ASIC2: variants seen among roughly 807,000 people sequenced by gnomAD.
The protein encoded by ASIC2 is acid-sensing ion channel 2.
A neutral mutation model predicts 57.3 loss-of-function variants in ASIC2; 25 were observed. The observed-to-expected ratio is 0.44, with a 90% confidence interval of 0.32 to 0.61. ASIC2 has a LOEUF of 0.61. Among genes scored for constraint, ASIC2 ranks in the 20% least tolerant of loss-of-function variants. ASIC2 has a pLI of 0.06. For missense variants in ASIC2, 641 were observed against 738.1 expected (o/e 0.87, Z 1.52); for synonymous variants, 319 against 307.5 (o/e 1.04, Z -0.39).
chr17:33,361,281 A>G (rs1300349994), intron 1 of ASIC2, among the ~76,000 whole-genome samples: 3 of 152,192 alleles, frequency 2.0e-5, no homozygotes, highest in African/African-American at 7.2e-5. Context: ...TTCATGTGGG[A>G]TGGTGGAGAG....
intron 1 of ASIC2, among the ~76,000 whole-genome samples, chr17:33,773,339 C>T (rs1404831342): frequency 6.6e-6 from 1 of 152,056 alleles, no homozygotes; most frequent in Non-Finnish European, 1.5e-5. Flanking sequence ...AATAACTTTT[C>T]ACACCCCAGA....
intron 1 of ASIC2, among the ~76,000 whole-genome samples, chr17:34,011,988 A>G (rs1444129741): frequency 2.0e-5 from 3 of 151,940 alleles, no homozygotes; most frequent in Admixed American, 6.6e-5. Flanking sequence ...TCCTGCAGGC[A>G]CCTCCAGGAG....
intron 1 of ASIC2, among the ~76,000 whole-genome samples, chr17:33,438,218 G>T (rs148110162): frequency 6.6e-6 from 1 of 152,124 alleles, no homozygotes; most frequent in African/African-American, 2.4e-5. Context: ...TTTAAAGAAG[G>T]GTTCAGCTTC....
intron 1 of ASIC2, among the ~76,000 whole-genome samples, chr17:33,648,505 C>T (rs1567678876): frequency 6.6e-6 from 1 of 152,374 alleles, no homozygotes; most frequent in African/African-American, 2.4e-5. Context: ...GACAAGATGA[C>T]TGCCTGGGGC....
chr17:33,659,906 AT>A (rs1338878869), intron 1 of ASIC2, among the ~76,000 whole-genome samples: 27 of 149,264 alleles, frequency 1.8e-4, no homozygotes, highest in Non-Finnish European at 4.0e-4. Flanking sequence ...AAATAAATAA[AT>A]AAATAAATAA....
intron 1 of ASIC2, among the ~76,000 whole-genome samples, chr17:33,321,168 G>C (rs1906853869): frequency 6.6e-6 from 1 of 152,148 alleles, no homozygotes; most frequent in Admixed American, 6.6e-5. Flanking sequence ...CTGTATCTCA[G>C]CACCTAGCAC....
intron 3 of ASIC2, among the ~76,000 whole-genome samples, chr17:33,054,110 T>A (rs1238700042): frequency 6.6e-6 from 1 of 152,138 alleles, no homozygotes; most frequent in Non-Finnish European, 1.5e-5. Context: ...GTTTGTGCCC[T>A]TCTGCCAAGA....
At chr17:33,738,632 C>T (rs1004984241) in intron 1 of ASIC2, among the ~76,000 whole-genome samples, 1 of 152,188 alleles carries the variant, frequency 6.6e-6, no homozygotes, top group Admixed American at 6.5e-5. Context: ...CCCCACCCTA[C>T]TTCTACTATC....
chr17:34,139,770 A>G (rs982770527), intron 1 of ASIC2, among the ~76,000 whole-genome samples: 2 of 152,074 alleles, frequency 1.3e-5, no homozygotes, highest in African/African-American at 4.8e-5. Context: ...ATTGATGGAA[A>G]TTGGGGAAGC....
intron 1 of ASIC2, among the ~76,000 whole-genome samples, chr17:34,084,033 C>T (rs1244419724): frequency 2.0e-5 from 3 of 151,880 alleles, no homozygotes; most frequent in Admixed American, 1.3e-4. Context: ...TTAATTAGAT[C>T]CCATTTGTCA....
intron 1 of ASIC2, among the ~76,000 whole-genome samples, chr17:33,508,657 A>G (rs942211139): frequency 6.6e-5 from 10 of 152,228 alleles, no homozygotes; most frequent in Non-Finnish European, 1.3e-4. Flanking sequence ...CAGCACACCT[A>G]AAAGTGGAAT....
At chr17:33,137,080 T>C (rs2092369805) in intron 1 of ASIC2, among the ~76,000 whole-genome samples, 1 of 152,192 alleles carries the variant, frequency 6.6e-6, no homozygotes, top group Admixed American at 6.5e-5. Flanking sequence ...TAACAGTTAT[T>C]GTTCCTACAC....
rs902670598 is a variant in ASIC2, at chr17:34,056,939, T to C, written c.555+99039A>G. 2.0e-5 allele frequency among the ~76,000 whole-genome samples: 3 copies of C among 152,192 alleles called. No homozygotes were observed. In the East Asian group the frequency reaches 5.8e-4, roughly 29 times the overall value. Reference sequence around the variant, plus strand: ...AACTTTTAAATACAATGATGAATCATTTAAATACCCTGGGGGAAATGTCAA... The same window carrying C: ...AACTTTTAAATACAATGATGAATCACTTAAATACCCTGGGGGAAATGTCAA... On this transcript the variant is annotated intron_variant, in intron 1 of 9. Coordinates refer to the ASIC2 transcript ENST00000359872.
At chr17:33,516,401 A>AGTGTGAGT (rs1555540046) in intron 1 of ASIC2, among the ~76,000 whole-genome samples, 39,935 of 147,186 alleles carry the variant, frequency 0.27, 6,692 homozygotes, top group African/African-American at 0.5. Context: ...TGTGTTTGTG[A>AGTGTGAGT]GTGTGAGTGT....
intron 1 of ASIC2, among the ~76,000 whole-genome samples, chr17:34,045,091 G>A (rs1039279944): frequency 1.3e-5 from 2 of 152,116 alleles, no homozygotes; most frequent in African/African-American, 2.4e-5. Flanking sequence ...GAATGTGGAC[G>A]TGGCACCATC....
chr17:33,150,465 C>G (rs898850349), intron 1 of ASIC2, among the ~76,000 whole-genome samples: 2 of 152,236 alleles, frequency 1.3e-5, no homozygotes, highest in Non-Finnish European at 1.5e-5. Context: ...CTTCTTGGAA[C>G]AGCTTTGGAA....
At chr17:33,116,059 A>T (rs999089222) in intron 1 of ASIC2, among the ~76,000 whole-genome samples, 1 of 152,108 alleles carries the variant, frequency 6.6e-6, no homozygotes, top group Non-Finnish European at 1.5e-5. Flanking sequence ...TTGCATCTCC[A>T]TGAAGGCATT....
chr17:33,933,515 C>A (rs928434103), intron 1 of ASIC2, among the ~76,000 whole-genome samples: 1 of 152,106 alleles, frequency 6.6e-6, no homozygotes, highest in South Asian at 2.1e-4. Flanking sequence ...GAGGTGAGTA[C>A]GGGACAGAGC....
At chr17:33,130,613 T>A (rs556405718) in intron 1 of ASIC2, among the ~76,000 whole-genome samples, 1 of 151,616 alleles carries the variant, frequency 6.6e-6, no homozygotes, top group African/African-American at 2.4e-5. Context: ...CCCCCAAGAG[T>A]CTGGGATATT....
Sources: gnomAD v4.1 joint callset for allele counts (sites outside exome capture counted in the v4.1 genomes callset) on GRCh38, gnomAD v4.1.1 for gene constraint, MANE v1.5 for transcripts, NCBI Gene and HGNC (gene_info 2026-07-23, HGNC 2026-07-21) for gene names.